The following FRMD4B variants were observed in gnomAD, a reference collection of about 807,000 sequenced individuals.
The protein encoded by FRMD4B is FERM domain-containing protein 4B.
Under a neutral mutation model 141.5 loss-of-function variants are expected in FRMD4B, and 74 were observed. That is an observed-to-expected ratio of 0.52 (90% CI 0.43 to 0.63). FRMD4B has a LOEUF of 0.63. FRMD4B is among the 30% of genes least tolerant of loss of function. The pLI is 0.00. For synonymous variants in FRMD4B, 506 were observed against 467.9 expected (o/e 1.08, Z -1.05); for missense variants, 1,366 against 1,253.4 (o/e 1.09, Z -1.36).
At chr3:69,318,157 C>A (rs1701868221) in intron 1 of FRMD4B, among the ~76,000 whole-genome samples, 1 of 151,884 alleles carries the variant, frequency 6.6e-6, no homozygotes, top group African/African-American at 2.4e-5. Context: ...TATTTTTTTG[C>A]AGAGACAGGA....
chr3:69,191,431 A>G (rs1270454018), intron 17 of FRMD4B, among the ~76,000 whole-genome samples: 1 of 151,596 alleles, frequency 6.6e-6, no homozygotes, highest in Admixed American at 6.5e-5. Context: ...AAGAAAAAAA[A>G]CAAAAAACAA....
chr3:69,458,321 A>G (rs1228548025), intron 1 of FRMD4B, among the ~76,000 whole-genome samples: 1 of 152,214 alleles, frequency 6.6e-6, no homozygotes, highest in East Asian at 1.9e-4. Context: ...GACACAGTCT[A>G]TGCTCACAGA....
At chr3:69,468,936 T>A (rs955494180) in intron 1 of FRMD4B, among the ~76,000 whole-genome samples, 12 of 152,176 alleles carry the variant, frequency 7.9e-5, no homozygotes, top group African/African-American at 2.9e-4. Context: ...CTATGGCCTG[T>A]ATAGTCCGAG....
intron 2 of FRMD4B, among the ~76,000 whole-genome samples, chr3:69,392,491 G>A (rs1248709140): frequency 6.6e-6 from 1 of 152,184 alleles, no homozygotes; most frequent in African/African-American, 2.4e-5. Flanking sequence ...TAAGGGAAAA[G>A]GGCAAGGGGG....
At chr3:69,364,396 G>A (rs1189479764) in intron 1 of FRMD4B, among the ~76,000 whole-genome samples, 1 of 152,200 alleles carries the variant, frequency 6.6e-6, no homozygotes, top group African/African-American at 2.4e-5. Flanking sequence ...TCTGCCTGGT[G>A]GGCACCTCCA....
At chr3:69,218,836 A>G (rs2093166048) in intron 9 of FRMD4B, among the ~76,000 whole-genome samples, 1 of 152,200 alleles carries the variant, frequency 6.6e-6, no homozygotes, top group Non-Finnish European at 1.5e-5. Context: ...CTTTAAAACT[A>G]TGAATTATGG....
chr3:69,293,239 A>G (rs907670100), intron 4 of FRMD4B, among the ~76,000 whole-genome samples: 1 of 152,058 alleles, frequency 6.6e-6, no homozygotes. Flanking sequence ...AGTCGCTTAA[A>G]TTTATGTGGC....
rs145694619 is a variant in FRMD4B at position 69,249,250 on chromosome 3, TA to T, written c.559-3del. The T allele has an allele frequency of 3.9e-3, 6,096 of 1,575,792 alleles. 219 individuals carry two copies. The African/African-American group carries it at 0.072, about 19-fold the overall frequency. On this transcript the variant is annotated splice_region_variant and splice_polypyrimidine_tract_variant and intron_variant, in intron 6 of 22. Coordinates refer to ENST00000398540, the MANE Select transcript of FRMD4B (RefSeq NM_015123.3). ...CCTGGTATAATCTCCCTTGGCTTCC[TA>T]AAAACAACAAACAAAAACAGAGTTG...
At chr3:69,200,464 GT>G in intron 11 of FRMD4B, 2 of 993,350 alleles carry the variant, frequency 2.0e-6, no homozygotes, top group Non-Finnish European at 2.4e-6. Context: ...AAACCTCAGG[GT>G]TCTTCCGCCC....
At chr3:69,226,304 T>C (rs1427148395) in intron 7 of FRMD4B, among the ~76,000 whole-genome samples, 1 of 152,188 alleles carries the variant, frequency 6.6e-6, no homozygotes, top group Non-Finnish European at 1.5e-5. Flanking sequence ...TGGTTTGTGC[T>C]TCCTGAAAAT....
Position 69,195,099 on chromosome 3 carries a change from C to T in FRMD4B, c.1411G>A (p.Gly471Ser), listed in dbSNP as rs766765717. The change falls in exon 16 of 23, where the codon GGC becomes AGC. Residue 471 changes from glycine (G) to serine (S), a missense_variant. Gly to Ser is a moderately conservative substitution (Grantham distance 56). Coordinates refer to ENST00000398540, the MANE Select transcript of FRMD4B (RefSeq NM_015123.3). ...KMPKEYPLNI[G>S]EKPPQVRRRV... Reference sequence around the variant, plus strand: ...CTTCTGACCTGAGGAGGCTTCTCGCCTATGTTCAGGGGATACTCCTTTGGC... The same window carrying T: ...CTTCTGACCTGAGGAGGCTTCTCGCTTATGTTCAGGGGATACTCCTTTGGC... The T allele has an allele frequency of 1.2e-6, 2 of 1,613,906 alleles. No individual in the cohort carries two copies. The highest frequency in any genetic ancestry group is 1.7e-6 in the Non-Finnish European group (2 of 1,179,796).
chr3:69,349,847 G>T (rs1703074962), intron 1 of FRMD4B, among the ~76,000 whole-genome samples: 1 of 152,110 alleles, frequency 6.6e-6, no homozygotes, highest in Admixed American at 6.5e-5. Context: ...AGACCTAAAT[G>T]TTAGACCTAA....
chr3:69,175,336 T>G (rs1253023966), intron 22 of FRMD4B, among the ~76,000 whole-genome samples: 2 of 152,236 alleles, frequency 1.3e-5, no homozygotes, highest in East Asian at 3.8e-4. Flanking sequence ...CACGACCTCT[T>G]CAAACTTAAT....
intron 2 of FRMD4B, among the ~76,000 whole-genome samples, chr3:69,420,531 T>C (rs980769317): frequency 6.6e-6 from 1 of 152,042 alleles, no homozygotes; most frequent in Non-Finnish European, 1.5e-5. Flanking sequence ...TGAATGTGTC[T>C]CCGGAGTCAC....
intron 1 of FRMD4B, among the ~76,000 whole-genome samples, chr3:69,476,337 G>T (rs1166092559): frequency 6.6e-6 from 1 of 151,956 alleles, no homozygotes; most frequent in Non-Finnish European, 1.5e-5. Context: ...ATGGTTTTAG[G>T]TCTAACGTTT....
rs758088913 is a variant in FRMD4B at position 69,239,759 on chromosome 3, C to A, written c.581+9467G>T. ...AGATGAAAAAGTTCTGGAGATTGGC[C>A]GTACAACATAAACACGTCCAGGCGT... On this transcript the variant is annotated intron_variant, in intron 7 of 22. Coordinates refer to ENST00000398540, the MANE Select transcript of FRMD4B (RefSeq NM_015123.3). Among the ~76,000 whole-genome samples the A allele has an allele frequency of 2.6e-5, 4 of 151,876 alleles. No homozygotes were observed. The East Asian group carries it at 5.8e-4, about 22-fold the overall frequency.
intron 22 of FRMD4B, among the ~76,000 whole-genome samples, chr3:69,173,032 C>T (rs1242081744): frequency 6.6e-6 from 1 of 152,154 alleles, no homozygotes; most frequent in African/African-American, 2.4e-5. Flanking sequence ...ATTGGAGGTA[C>T]TGTACTTACT....
chr3:69,358,478 G>A (rs1046559155), intron 1 of FRMD4B, among the ~76,000 whole-genome samples: 3 of 152,180 alleles, frequency 2.0e-5, no homozygotes, highest in Non-Finnish European at 4.4e-5. Flanking sequence ...GCACATGCCT[G>A]TAATCCCAGC....
chr3:69,303,713 T>C (rs1368665922), intron 3 of FRMD4B, among the ~76,000 whole-genome samples: 1 of 152,162 alleles, frequency 6.6e-6, no homozygotes, highest in Non-Finnish European at 1.5e-5. Flanking sequence ...GCAGATTGCT[T>C]GAGCCCAGGA....
Sources: allele counts gnomAD v4.1 joint callset (sites outside exome capture counted in the v4.1 genomes callset), GRCh38; gene constraint gnomAD v4.1.1; transcripts MANE v1.5; gene names NCBI Gene and HGNC (gene_info 2026-07-23, HGNC 2026-07-21).